Variants in TEP1 observed in about 807,000 individuals in gnomAD.
The protein encoded by TEP1 is telomerase associated protein 1.
In TEP1, 241 loss-of-function variants were observed where a neutral mutation model predicts 306.3. The ratio of observed to expected loss-of-function variants is 0.79; its 90% confidence interval spans 0.71 to 0.88. The LOEUF (loss-of-function observed/expected upper bound fraction) is 0.88. TEP1 is among the 40% of genes least tolerant of loss of function. The probability of loss-of-function intolerance (pLI) is 0.00; values close to 1 mark genes in which losing one functional copy is unlikely to be tolerated. For synonymous variants in TEP1, 1,289 were observed against 1,305.5 expected (o/e 0.99, Z 0.27); for missense variants, 3,051 against 3,276.1 (o/e 0.93, Z 1.68).
intron 18 of TEP1, 83 bp downstream of exon 18, chr14:20,387,822 C>T (rs1272158334): frequency 1.1e-5 from 17 of 1,494,782 alleles, no homozygotes; most frequent in Non-Finnish European, 1.5e-5. Flanking sequence ...GGCACCTCAC[C>T]AGCTAGAATT....
In TEP1 at chr14:20,406,384, G is replaced by A. The variant is rs1269060555; in HGVS notation, c.584C>T (p.Ser195Leu). The A allele has an allele frequency of 1.2e-6, 2 of 1,611,836 alleles. No individual in the cohort carries two copies. Among genetic ancestry groups the A allele is most frequent in the East Asian group, 2.2e-5 (1 of 44,746 alleles). ...GGTCTCTGCCCCTTTCTTCTCTTCT[G>A]AATCAAACCAACGACCCTGGGGTAG... ...QEATLGRWFD[S>L]EEKKGAETQM... The change falls in exon 3 of 55, where the codon TCA (serine) becomes TTA (leucine). Residue 195 changes from serine (S) to leucine (L), a missense_variant. Ser to Leu is a moderately radical substitution (Grantham distance 145). Around this residue, in one of 3 missense-constraint regions of TEP1, gnomAD observed 1,507 missense variants for 1,550.5 expected, o/e 0.97. Coordinates refer to ENST00000262715, the MANE Select transcript of TEP1 (RefSeq NM_007110.5).
intron 17 of TEP1, among the ~76,000 whole-genome samples, 196 bp downstream of exon 17, chr14:20,389,042 G>T (rs1448001441): frequency 1.3e-5 from 2 of 152,072 alleles, no homozygotes; most frequent in African/African-American, 2.4e-5. Flanking sequence ...CAGGTACTCG[G>T]GAGGCGGAGG....
At chr14:20,399,707 A>G (rs1878509456) in intron 9 of TEP1, among the ~76,000 whole-genome samples, 1 of 151,040 alleles carries the variant, frequency 6.6e-6, no homozygotes, top group East Asian at 1.9e-4. Flanking sequence ...TTTGTAGTAT[A>G]TGATTAAAAA....
chr14:20,375,955 AAG>A, intron 42 of TEP1, 87 bp from the exon 43 acceptor site: 1 of 1,488,866 alleles, frequency 6.7e-7, no homozygotes, highest in Admixed American at 1.7e-5. Context: ...ATTTCAAGGA[AAG>A]AGGGGCACAA....
chr14:20,390,563 C>A (rs1877616170), intron 15 of TEP1, 118 bp downstream of exon 15: 1 of 933,810 alleles, frequency 1.1e-6, no homozygotes, highest in East Asian at 2.5e-5. Flanking sequence ...GCCAGTAGAG[C>A]TGATCTGACT....
Position 20,383,832 on chromosome 14 carries a change from G to C in TEP1, c.3621C>G (p.Asp1207Glu). 6.2e-7 allele frequency: 1 copy of C among 1,606,632 alleles called. No individual in the cohort carries two copies. The highest frequency in any genetic ancestry group is 1.7e-4 in the Middle Eastern group (1 of 6,058). The stretch of plus-strand genomic sequence containing the variant: ...TGAGCAGAGTGAGGGCAAGACCCTG[G>C]TCAGGACGAGCCCCAGAAAAGTGGA... ...VFFHFSGARPDQGLALTLLRR... is the reference protein window; with the variant it reads ...VFFHFSGARPEQGLALTLLRR... The change falls in exon 25 of 55, where the codon GAC becomes GAG. Residue 1207 changes from aspartate (D) to glutamate (E), a missense_variant. Around this residue, in one of 3 missense-constraint regions of TEP1, gnomAD observed 1,507 missense variants for 1,550.5 expected, o/e 0.97. Coordinates refer to ENST00000262715, the MANE Select transcript of TEP1 (RefSeq NM_007110.5).
rs770488810 is a variant in TEP1 at position 20,391,722 on chromosome 14, G to T, written c.1974C>A (p.Ala658=). 1 of 1,614,152 alleles carries T rather than the reference G, an allele frequency of 6.2e-7. No individual in the cohort carries two copies. The highest frequency in any genetic ancestry group is 1.1e-5 in the South Asian group (1 of 91,078). Residue 658 remains alanine, a synonymous_variant, in exon 13 of 55, where the codon GCC becomes GCA. Coordinates refer to ENST00000262715, the MANE Select transcript of TEP1 (RefSeq NM_007110.5). ...DGEMLNRYRQ[A]LETAVNLSVK... is the part of the protein sequence containing the mutation. Reference sequence around the variant, plus strand: ...CAGAGAGGTTCACAGCTGTCTCTAGGGCCTGTCGGTACCTGTTCAGCATCT... The same window carrying T: ...CAGAGAGGTTCACAGCTGTCTCTAGTGCCTGTCGGTACCTGTTCAGCATCT...
chr14:20,408,367 G>A lies in TEP1; in HGVS notation c.73C>T (p.Leu25Phe). 1 of 1,614,150 alleles carries A rather than the reference G, an allele frequency of 6.2e-7. No homozygotes were observed. Among genetic ancestry groups the A allele is most frequent in the South Asian group, 1.1e-5 (1 of 91,076 alleles). The change falls in exon 2 of 55, where the codon CTC becomes TTC. Residue 25 changes from leucine to phenylalanine, a missense_variant. Around this residue, in one of 3 missense-constraint regions of TEP1, gnomAD observed 1,507 missense variants for 1,550.5 expected, o/e 0.97. Coordinates refer to ENST00000262715, the MANE Select transcript of TEP1 (RefSeq NM_007110.5). The stretch of plus-strand genomic sequence containing the variant: ...TTCTCCAAGGGCTGTAAGTCAGGGA[G>A]CATAGCCAGGCACCGGTTCTCCAAG... The part of the protein sequence containing the change: ...LSLENRCLAM[L>F]PDLQPLEKLH...
intron 22 of TEP1, 29 bp from the exon 23 acceptor site, chr14:20,384,537 A>G: frequency 1.2e-6 from 2 of 1,614,058 alleles, no homozygotes; most frequent in Non-Finnish European, 1.7e-6. Context: ...CAACCAGGTC[A>G]GAGCAGGCCC....
At chr14:20,407,823 A>C in intron 2 of TEP1, 50 bp downstream of exon 2, 1 of 1,439,040 alleles carries the variant, frequency 6.9e-7, no homozygotes, top group Non-Finnish European at 9.5e-7. Flanking sequence ...TAGAGACAAG[A>C]GCATACAACA....
Position 20,373,133 on chromosome 14 carries a change from G to A in TEP1, c.6829C>T (p.Pro2277Ser). 6.2e-7 allele frequency: 1 copy of A among 1,614,222 alleles called. No homozygotes were observed. Residue 2277 changes from proline to serine, a missense_variant, in exon 48 of 55, where the codon CCA becomes TCA. Transcript: ENST00000262715. ...VPKEADDTCIPRSSAAVTAVA... is the reference protein window; with the variant it reads ...VPKEADDTCISRSSAAVTAVA... ...GCAGTGACGGCTGCAGAACTCCTTG[G>A]TATACATGTGTCATCTGGAGGAGAA...
chr14:20,372,388 G>GTGTA (rs900367928), intron 49 of TEP1, among the ~76,000 whole-genome samples: 2 of 151,016 alleles, frequency 1.3e-5, no homozygotes, highest in Admixed American at 6.6e-5. Flanking sequence ...GTATGTGTGT[G>GTGTA]TGTGTGTGTG....
intron 41 of TEP1, 41 bp downstream of exon 41, chr14:20,377,239 A>T (rs1885230072): frequency 2.0e-6 from 3 of 1,484,910 alleles, no homozygotes; most frequent in African/African-American, 2.8e-5. Flanking sequence ...AGAAAAGAAA[A>T]GAACAGTAAT....
rs377323684 is a variant in TEP1, at chr14:20,395,561, G to A, written c.1817C>T (p.Pro606Leu). 1.1e-4 allele frequency: 175 copies of A among 1,613,556 alleles called. 2 individuals carry two copies. The highest frequency in any genetic ancestry group is 1.1e-3 in the South Asian group (98 of 91,066). The change falls in exon 12 of 55, where the codon CCC (proline) becomes CTC (leucine). Residue 606 changes from proline (P) to leucine (L), a missense_variant. This residue lies in a region of TEP1 where 1,507 missense variants were observed against 1,550.5 expected (regional missense o/e 0.97). Transcript: ENST00000262715. ...RILTRNEKNR[P>L]RRRFLCHLSR... ...TAGGTGGCAAAGAAACCTCCGCCTG[G>A]GACGGTTCTTTTCATTTCTAGTTAG...
chr14:20,400,093 C>T (rs1175411614), intron 9 of TEP1, among the ~76,000 whole-genome samples: 4 of 143,096 alleles, frequency 2.8e-5, no homozygotes, highest in Admixed American at 7.4e-5. Context: ...GCCAAGATTG[C>T]GCCATTGCAT....
At chr14:20,390,854 G>T in intron 14 of TEP1, 84 bp downstream of exon 14, 4 of 1,611,680 alleles carry the variant, frequency 2.5e-6, no homozygotes, top group Admixed American at 3.3e-5. Context: ...ACTGTGTATT[G>T]TCTGTGCCTT....
In TEP1 at chr14:20,380,949, C is replaced by A. The variant is rs985216096; in HGVS notation, c.4744G>T (p.Glu1582Ter). ...LELGLVSRLL[E>*]AHALYASSVP... ...ATCTCACCATAGAGGGCATGGGCCTCCAAGAGCCGAGAGACCAGACCCAAT... is the reference window on the plus strand; with the variant it reads ...ATCTCACCATAGAGGGCATGGGCCTACAAGAGCCGAGAGACCAGACCCAAT... Residue 1582 changes from glutamate (E) to a stop codon, truncating the protein, a stop_gained, in exon 33 of 55, where the codon GAG becomes TAG. Transcript: ENST00000262715. LOFTEE classifies it high-confidence loss of function. 6.2e-7 allele frequency: 1 copy of A among 1,614,140 alleles called. No homozygotes were observed. Among genetic ancestry groups the A allele is most frequent in the Non-Finnish European group, 8.5e-7 (1 of 1,180,016 alleles).
chr14:20,402,994 TAAAA>T (rs1352253501), intron 7 of TEP1, among the ~76,000 whole-genome samples: 1 of 151,568 alleles, frequency 6.6e-6, no homozygotes, highest in African/African-American at 2.4e-5. Flanking sequence ...CCATCTCTAC[TAAAA>T]ACACAAAAAT....
In TEP1 at chr14:20,395,958, C is replaced by A. The variant is rs1169646250; in HGVS notation, c.1660-9G>T. 6.2e-7 allele frequency: 1 copy of A among 1,613,212 alleles called. No individual in the cohort carries two copies. The highest frequency in any genetic ancestry group is 8.5e-7 in the Non-Finnish European group (1 of 1,179,412). Reference sequence around the variant, plus strand: ...CTGTGGATCACCGACTTCTAGAAAGCAAAGGAGGGAGGGGTCATGAGCACA... The same window carrying A: ...CTGTGGATCACCGACTTCTAGAAAGAAAAGGAGGGAGGGGTCATGAGCACA... On this transcript the variant is annotated splice_polypyrimidine_tract_variant and intron_variant, in intron 10 of 54. Coordinates refer to ENST00000262715, the MANE Select transcript of TEP1 (RefSeq NM_007110.5).
Sources: allele counts gnomAD v4.1 joint callset (sites outside exome capture counted in the v4.1 genomes callset), GRCh38; gene constraint gnomAD v4.1.1; regional missense constraint gnomAD v4.1.1; transcripts MANE v1.5; gene names NCBI Gene and HGNC (gene_info 2026-07-23, HGNC 2026-07-21).